PIAS1: variants seen among roughly 807,000 people sequenced by gnomAD.
PIAS1 encodes the protein protein inhibitor of activated STAT 1.
A neutral mutation model predicts 71.3 loss-of-function variants in PIAS1; 6 were observed. The ratio of observed to expected loss-of-function variants is 0.08; its 90% confidence interval spans 0.05 to 0.17. PIAS1 has a LOEUF of 0.17. Ranked by LOEUF, PIAS1 falls within the 10% of genes least tolerant of loss-of-function variation. The pLI, the probability that PIAS1 is intolerant of heterozygous loss-of-function variation, is 1.00. For synonymous variants in PIAS1, 303 were observed against 292.9 expected (o/e 1.03, Z -0.35); for missense variants, 555 against 793.6 (o/e 0.70, Z 3.61).
chr15:68,162,630 G>A (rs6494719), intron 7 of PIAS1, among the ~76,000 whole-genome samples: 151,410 of 152,328 alleles, frequency 0.99, 75,258 homozygotes, highest in Middle Eastern at 1. Context: ...TTGAAGTCCA[G>A]GGGCCACAGA....
chr15:68,183,649 C>G lies in PIAS1; in HGVS notation c.1644C>G (p.Phe548Leu). 9.0e-7 allele frequency: 1 copy of G among 1,109,452 alleles called. No individual in the cohort carries two copies. The highest frequency in any genetic ancestry group is 1.4e-5 in the South Asian group (1 of 70,594). The allele number at this position is 1,109,452 out of a possible 1,614,324, so 68.7% of individuals were successfully genotyped here. A position where few individuals can be genotyped will look rare whatever the true frequency, so the allele number is the denominator to read the frequency against. ...CCACAGGATTAGATTTCTTTCCTTT[C>G]TTATCAGGAGACAATCAGGTATGTT... ...YDLQGLDFFP[F>L]LSGDNQHYNT... Residue 548 changes from phenylalanine (F) to leucine (L), a missense_variant, in exon 13 of 14, where the codon TTC becomes TTG. Around this residue, in one of 5 missense-constraint regions of PIAS1, gnomAD observed 244 missense variants for 307.5 expected, o/e 0.79. Transcript: ENST00000249636.
intron 1 of PIAS1, among the ~76,000 whole-genome samples, chr15:68,064,136 GA>G (rs1249604010): frequency 6.6e-6 from 1 of 151,910 alleles, no homozygotes; most frequent in African/African-American, 2.4e-5. Context: ...ATTTTTACTT[GA>G]AAAAATGGCT....
Position 68,145,866 on chromosome 15 carries a change from A to C in PIAS1, c.653A>C (p.Asn218Thr). The C allele has an allele frequency of 6.2e-7, 1 of 1,612,252 alleles. No homozygotes were observed. Among genetic ancestry groups the C allele is most frequent in the Non-Finnish European group, 8.5e-7 (1 of 1,178,538 alleles). Reference protein sequence around the residue: ...SCPQEDHFPPNLCVKVNTKPC... With the variant: ...SCPQEDHFPPTLCVKVNTKPC... ...CCACAAGAAGATCACTTCCCACCCA[A>C]TCTTTGTGTGAAAGTGAATACAAAA... is the stretch of plus-strand genomic sequence containing the variant. The change falls in exon 5 of 14, where the codon AAT (asparagine) becomes ACT (threonine). Residue 218 changes from asparagine (N) to threonine (T), a missense_variant. Transcript: ENST00000249636.
chr15:68,161,157 T>A (rs1485998668), intron 7 of PIAS1, among the ~76,000 whole-genome samples: 1 of 152,194 alleles, frequency 6.6e-6, no homozygotes, highest in Non-Finnish European at 1.5e-5. Flanking sequence ...TTTCTGTTAG[T>A]AATGAACAAT....
At chr15:68,154,234 T>C (rs1055615497) in intron 7 of PIAS1, among the ~76,000 whole-genome samples, 2 of 152,210 alleles carry the variant, frequency 1.3e-5, no homozygotes, top group Admixed American at 1.3e-4. Context: ...TTCATACGTG[T>C]GAATTACTGG....
chr15:68,065,121 C>T (rs911512731), intron 1 of PIAS1, among the ~76,000 whole-genome samples: 6 of 151,944 alleles, frequency 3.9e-5, no homozygotes, highest in South Asian at 4.1e-4. Flanking sequence ...TAGATTTAAT[C>T]GACATAAAGT....
intron 1 of PIAS1, among the ~76,000 whole-genome samples, chr15:68,077,162 C>T (rs958260094): frequency 5.3e-5 from 8 of 152,124 alleles, no homozygotes; most frequent in African/African-American, 1.9e-4. Flanking sequence ...CAGCCCCCTC[C>T]CTGCTGAAAT....
intron 2 of PIAS1, among the ~76,000 whole-genome samples, chr15:68,101,579 C>T (rs761535535): frequency 1.1e-4 from 17 of 152,302 alleles, no homozygotes; most frequent in Admixed American, 7.2e-4. Context: ...AGCAGCCCTC[C>T]TGCCTCAGCC....
chr15:68,098,653 C>T (rs1177722176), intron 2 of PIAS1, among the ~76,000 whole-genome samples: 1 of 152,108 alleles, frequency 6.6e-6, no homozygotes, highest in Non-Finnish European at 1.5e-5. Flanking sequence ...ACAGGTGTTG[C>T]TTTCAGTTCT....
intron 2 of PIAS1, among the ~76,000 whole-genome samples, chr15:68,112,868 A>T (rs189255056): frequency 6.6e-6 from 1 of 152,296 alleles, no homozygotes; most frequent in African/African-American, 2.4e-5. Context: ...GAAATAACAC[A>T]CAAATGCATG....
intron 2 of PIAS1, among the ~76,000 whole-genome samples, chr15:68,114,251 A>G (rs2092547148): frequency 6.6e-6 from 1 of 152,048 alleles, no homozygotes; most frequent in Non-Finnish European, 1.5e-5. Flanking sequence ...CTTCATGTTT[A>G]TATCTTGTCT....
intron 1 of PIAS1, chr15:68,055,763 AT>A (rs760841842): frequency 1.8e-6 from 1 of 541,664 alleles, no homozygotes; most frequent in Non-Finnish European, 3.3e-6. Flanking sequence ...AAATTATTTA[AT>A]TTTTTCCCCG....
intron 2 of PIAS1, among the ~76,000 whole-genome samples, chr15:68,127,051 C>T (rs2092655964): frequency 6.6e-6 from 1 of 152,098 alleles, no homozygotes; most frequent in African/African-American, 2.4e-5. Flanking sequence ...CTGCCTCAGG[C>T]TCCCGAGTAG....
intron 2 of PIAS1, among the ~76,000 whole-genome samples, chr15:68,102,463 CT>C (rs1430711856): frequency 6.6e-5 from 10 of 152,158 alleles, no homozygotes; most frequent in Admixed American, 6.5e-4. Context: ...TTAGAATTAT[CT>C]TCTCGCTCTA....
rs1007350434 is a variant in PIAS1 at position 68,178,627 on chromosome 15, ATTTT to A, written c.1481+1977_1481+1980del. Among the ~76,000 whole-genome samples the A allele has an allele frequency of 6.6e-6, 1 of 152,136 alleles. No homozygotes were observed. The highest frequency in any genetic ancestry group is 1.5e-5 in the Non-Finnish European group (1 of 68,020). On this transcript the variant is annotated intron_variant, in intron 11 of 13. Coordinates refer to ENST00000249636, the MANE Select transcript of PIAS1 (RefSeq NM_016166.3). This position sits in a 1 kb window ranked among gnomAD's most constrained non-coding sequence, Gnocchi z 4.2. The stretch of plus-strand genomic sequence containing the variant: ...ATGACCAAATACACATTGTCATGTG[ATTTT>A]TTTAAGTGCCATAATCACAATTTTA...
chr15:68,176,804 C>T (rs2093022714), intron 11 of PIAS1, 150 bp downstream of exon 11: 1 of 618,660 alleles, frequency 1.6e-6, no homozygotes, highest in East Asian at 2.8e-5. Context: ...GTTTGTAATA[C>T]TCTGGAGGGA....
intron 1 of PIAS1, among the ~76,000 whole-genome samples, chr15:68,070,493 G>C (rs1203716851): frequency 6.6e-6 from 1 of 152,086 alleles, no homozygotes; most frequent in Non-Finnish European, 1.5e-5. Flanking sequence ...TTAAGTTGGA[G>C]CCTGAATGGC....
rs372877725 is a variant in PIAS1, at chr15:68,146,670, T to A, written c.798T>A (p.Ile266=). The A allele has an allele frequency of 6.2e-7, 1 of 1,612,506 alleles. No homozygotes were observed. The highest frequency in any genetic ancestry group is 8.5e-7 in the Non-Finnish European group (1 of 1,179,036). ...TGTCCACAACAGTACCAAACACGATTGTTGTTTCTTGGACTGCAGAAATTG... is the reference window on the plus strand; with the variant it reads ...TGTCCACAACAGTACCAAACACGATAGTTGTTTCTTGGACTGCAGAAATTG... ...VRLSTTVPNT[I]VVSWTAEIGR... Residue 266 remains isoleucine (I), a synonymous_variant, in exon 6 of 14, where the codon ATT becomes ATA. Transcript: ENST00000249636.
chr15:68,114,289 T>G (rs116869465), intron 2 of PIAS1, among the ~76,000 whole-genome samples: 2,015 of 152,212 alleles, frequency 0.013, 16 homozygotes, highest in Non-Finnish European at 0.021. Flanking sequence ...ATGACTGTAT[T>G]CTCATATCAT....
Sources: allele counts gnomAD v4.1 joint callset (sites outside exome capture counted in the v4.1 genomes callset), GRCh38; gene constraint gnomAD v4.1.1; regional missense constraint gnomAD v4.1.1; non-coding constraint Gnocchi (gnomAD v3.1); transcripts MANE v1.5; gene names NCBI Gene and HGNC (gene_info 2026-07-23, HGNC 2026-07-21).